DCN: variants seen among roughly 807,000 people sequenced by gnomAD.
DCN encodes the protein decorin.
DCN carries 17 observed loss-of-function variants against 36.5 expected under a neutral mutation model. The ratio of observed to expected loss-of-function variants is 0.47; its 90% CI spans 0.32 to 0.70. The LOEUF is 0.70. Among genes scored for constraint, DCN ranks in the 30% least tolerant of loss-of-function variants. DCN has a pLI of 0.04. For missense variants in DCN, 389 were observed against 430.1 expected (o/e 0.90, Z 0.84); for synonymous variants, 163 against 161.4 (o/e 1.01, Z -0.07).
chr12:91,174,474 A>T (rs1478102977), intron 2 of DCN, among the ~76,000 whole-genome samples: 1 of 152,148 alleles, frequency 6.6e-6, no homozygotes, highest in African/African-American at 2.4e-5. Context: ...GCCTATACCT[A>T]TTATTCTCAT....
intron 2 of DCN, chr12:91,177,573 T>G (rs1448167065): frequency 2.8e-6 from 2 of 702,234 alleles, no homozygotes; most frequent in African/African-American, 3.5e-5. Context: ...TCAATCTTTC[T>G]GGAGATTTAT....
Position 91,143,766 on chromosome 12 carries a change from C to T in DCN, c.*2292G>A, listed in dbSNP as rs575532459. 1 of 149,332 alleles carries T rather than the reference C, an allele frequency of 6.7e-6. No individual in the cohort carries two copies. The highest frequency in any genetic ancestry group is 2.0e-4 in the East Asian group (1 of 5,108). 9.3% of individuals were successfully genotyped at this position (149,332 alleles called of 1,614,324 possible). A position where few individuals can be genotyped will look rare whatever the true frequency, so the allele number is the denominator to read the frequency against. ...AGCCAAAGAAATCAGCTATATTTAT[C>T]TTTATTTCAAAGGAAATAAAGATAC... On this transcript the variant is annotated 3_prime_UTR_variant, in exon 8 of 8. Coordinates refer to ENST00000052754, the MANE Select transcript of DCN (RefSeq NM_001920.5).
At chr12:91,182,238 G>T (rs1868432486) in intron 1 of DCN, among the ~76,000 whole-genome samples, 1 of 151,930 alleles carries the variant, frequency 6.6e-6, no homozygotes, top group African/African-American at 2.4e-5. Flanking sequence ...GCTTTTAAAA[G>T]TCCTTAAAGC....
intron 3 of DCN, among the ~76,000 whole-genome samples, chr12:91,162,319 A>G (rs2121231888): frequency 6.6e-6 from 1 of 152,286 alleles, no homozygotes; most frequent in Admixed American, 6.5e-5. Context: ...AAAATCTGGT[A>G]TATTTTCTTC....
At chr12:91,167,558 C>T (rs1211054143) in intron 2 of DCN, among the ~76,000 whole-genome samples, 2 of 151,978 alleles carry the variant, frequency 1.3e-5, no homozygotes, top group African/African-American at 4.8e-5. Context: ...CTTTTAAATA[C>T]ACCTTCTTTA....
intron 7 of DCN, among the ~76,000 whole-genome samples, chr12:91,148,721 CAA>C (rs5799978): frequency 0.053 from 2,571 of 48,926 alleles, 63 homozygotes; most frequent in African/African-American, 0.15. Flanking sequence ...CGCTCCGACT[CAA>C]AAAAAAAAAA....
At chr12:91,177,912 T>C (rs1883393613) in intron 2 of DCN, 2 of 453,624 alleles carry the variant, frequency 4.4e-6, no homozygotes, top group Admixed American at 6.6e-5. Flanking sequence ...GAAACTCTGT[T>C]GTCTGGGCTA....
intron 2 of DCN, among the ~76,000 whole-genome samples, chr12:91,173,845 T>G (rs1243650589): frequency 6.6e-6 from 1 of 152,250 alleles, no homozygotes; most frequent in Non-Finnish European, 1.5e-5. Flanking sequence ...AGCGAGAAGC[T>G]GTAGTACAAT....
chr12:91,177,403 T>C, intron 2 of DCN: 2 of 581,800 alleles, frequency 3.4e-6, no homozygotes, highest in Admixed American at 3.1e-5. Context: ...GATCATAGTA[T>C]GGAATTTCTT....
At chr12:91,180,310 G>GAAGA (rs897499004) in intron 1 of DCN, 48 of 140,406 alleles carry the variant, frequency 3.4e-4, no homozygotes, top group African/African-American at 1.1e-3. Context: ...AAGAAGGAAG[G>GAAGA]AAGAAAGAAA....
chr12:91,178,164 AAG>A (rs1175959798), intron 2 of DCN, among the ~76,000 whole-genome samples, 176 bp downstream of exon 2: 1 of 151,822 alleles, frequency 6.6e-6, no homozygotes, highest in Non-Finnish European at 1.5e-5. Context: ...GAGAGAGAGA[AAG>A]AGAGAACAAC....
intron 6 of DCN, 73 bp from the exon 7 acceptor site, chr12:91,151,865 C>G: frequency 3.8e-6 from 6 of 1,575,528 alleles, no homozygotes; most frequent in African/African-American, 1.3e-5. Flanking sequence ...TGTAGTTAAT[C>G]AAGTCTATAG....
chr12:91,160,720 T>C (rs2121223356), intron 3 of DCN, among the ~76,000 whole-genome samples: 1 of 152,290 alleles, frequency 6.6e-6, no homozygotes. Flanking sequence ...GCTAAACAAG[T>C]GTTTGCTTTT....
In DCN at chr12:91,158,382, G is replaced by C. The variant is rs867516048; in HGVS notation, c.452C>G (p.Thr151Ser). ...CTCATGGGCACGCAGCTCCTGAAGA[G>C]TTTTGGGCATTTTTTCTGGCAATTC... ...LKELPEKMPK[T>S]LQELRAHENE... The change falls in exon 4 of 8, where the codon ACT (threonine) becomes AGT (serine). Residue 151 changes from threonine (T) to serine (S), a missense_variant. By Grantham distance (58) the Thr-to-Ser change is moderately conservative. Coordinates refer to ENST00000052754, the MANE Select transcript of DCN (RefSeq NM_001920.5). The C allele has an allele frequency of 6.2e-7, 1 of 1,613,678 alleles. No individual in the cohort carries two copies. The highest frequency in any genetic ancestry group is 1.7e-4 in the Middle Eastern group (1 of 6,060).
chr12:91,158,606 A>C, intron 3 of DCN, 97 bp from the exon 4 acceptor site: 1 of 754,210 alleles, frequency 1.3e-6, no homozygotes, highest in Non-Finnish European at 2.4e-6. Context: ...TAGGGATAGC[A>C]GAGAAATCTA....
chr12:91,158,591 A>T (rs1881952233), intron 3 of DCN, 82 bp from the exon 4 acceptor site: 1 of 800,788 alleles, frequency 1.2e-6, no homozygotes, highest in Non-Finnish European at 2.2e-6. Context: ...TGTTCATTCC[A>T]TTCATAGGGA....
At chr12:91,161,680 A>G (rs558370029) in intron 3 of DCN, among the ~76,000 whole-genome samples, 4 of 152,252 alleles carry the variant, frequency 2.6e-5, no homozygotes, top group Admixed American at 2.6e-4. Context: ...CTTTCACTCT[A>G]GCCAACTCGT....
rs375861562 is a variant in DCN at position 91,161,894 on chromosome 12, T to C, written c.324+2711A>G. The stretch of plus-strand genomic sequence containing the variant: ...CACTACTCATATCATATTGTGCTTA[T>C]ATTGTTGGACACGTCAATAAATTGA... On this transcript the variant is annotated intron_variant, in intron 3 of 7. Coordinates refer to ENST00000052754, the MANE Select transcript of DCN (RefSeq NM_001920.5). 5.3e-5 allele frequency among the ~76,000 whole-genome samples: 8 copies of C among 152,244 alleles called. No individual in the cohort carries two copies. In the East Asian group the frequency reaches 1.3e-3, roughly 26 times the overall value.
chr12:91,158,879 T>C (rs1380610579), intron 3 of DCN, among the ~76,000 whole-genome samples: 1 of 151,958 alleles, frequency 6.6e-6, no homozygotes, highest in African/African-American at 2.4e-5. Context: ...GGAGGATCAC[T>C]TGAACCTGGG....
Sources: gnomAD v4.1 joint callset for allele counts (sites outside exome capture counted in the v4.1 genomes callset) on GRCh38, gnomAD v4.1.1 for gene constraint, MANE v1.5 for transcripts, NCBI Gene and HGNC (gene_info 2026-07-23, HGNC 2026-07-21) for gene names.